Variants in SLC6A6 observed in about 807,000 individuals in gnomAD.
SLC6A6 encodes the protein solute carrier family 6 member 6.
Under a neutral mutation model 68.8 loss-of-function variants are expected in SLC6A6, and 16 were observed. That is an observed-to-expected ratio of 0.23 (90% CI 0.16 to 0.35). SLC6A6 has a LOEUF of 0.35. Among genes scored for constraint, SLC6A6 ranks in the 10% least tolerant of loss-of-function variants. SLC6A6 has a pLI of 1.00. For missense variants in SLC6A6, 474 were observed against 802.8 expected, an observed-to-expected ratio of 0.59 and a Z score of 4.95; for synonymous variants, 312 against 315.4, an observed-to-expected ratio of 0.99 and a Z score of 0.12.
intron 2 of SLC6A6, among the ~76,000 whole-genome samples, chr3:14,427,868 C>G (rs1350951149): frequency 5.9e-5 from 9 of 152,186 alleles, no homozygotes; most frequent in Non-Finnish European, 1.3e-4. Flanking sequence ...TTCCCAGCCC[C>G]TGTAACTTCC....
intron 1 of SLC6A6, among the ~76,000 whole-genome samples, chr3:14,409,479 C>T (rs989388621): frequency 1.3e-5 from 2 of 152,258 alleles, no homozygotes; most frequent in Non-Finnish European, 2.9e-5. Flanking sequence ...AGCCCACACT[C>T]AGCTAGGAAA....
intron 1 of SLC6A6, among the ~76,000 whole-genome samples, chr3:14,409,978 G>A (rs1356042734): frequency 6.6e-6 from 1 of 152,128 alleles, no homozygotes; most frequent in Non-Finnish European, 1.5e-5. Context: ...ACGAGGTCAG[G>A]AGTTCGAGAC....
At chr3:14,461,651 G>T (rs182847889) in intron 6 of SLC6A6, among the ~76,000 whole-genome samples, 10 of 152,328 alleles carry the variant, frequency 6.6e-5, no homozygotes. Context: ...AACAAAGCAG[G>T]GGGTAGTCAG....
intron 1 of SLC6A6, among the ~76,000 whole-genome samples, chr3:14,409,594 C>T (rs1331627400): frequency 6.6e-6 from 1 of 152,246 alleles, no homozygotes; most frequent in Non-Finnish European, 1.5e-5. Flanking sequence ...GTGCCAGGCA[C>T]AGGGCCAGGG....
At chr3:14,403,059 T>C (rs1201992003) in intron 1 of SLC6A6, among the ~76,000 whole-genome samples, 1 of 150,702 alleles carries the variant, frequency 6.6e-6, no homozygotes, top group African/African-American at 2.5e-5. Context: ...CTCCGGCTCT[T>C]GGTGCGGGCG....
chr3:14,440,006 C>A (rs563026172), intron 2 of SLC6A6, among the ~76,000 whole-genome samples: 1 of 152,140 alleles, frequency 6.6e-6, no homozygotes, highest in South Asian at 2.1e-4. Flanking sequence ...GCTTTATATA[C>A]CCCAAGGCCA....
At chr3:14,405,445 A>T (rs1699085697) in intron 1 of SLC6A6, among the ~76,000 whole-genome samples, 1 of 152,248 alleles carries the variant, frequency 6.6e-6, no homozygotes, top group African/African-American at 2.4e-5. Flanking sequence ...GTCATTGAAC[A>T]CATTCCCGTA....
At chr3:14,430,802 C>T (rs1292638021) in intron 2 of SLC6A6, among the ~76,000 whole-genome samples, 1 of 152,254 alleles carries the variant, frequency 6.6e-6, no homozygotes, top group African/African-American at 2.4e-5. Context: ...TTTCAGGCCT[C>T]AGTTTCCCCT....
intron 14 of SLC6A6, among the ~76,000 whole-genome samples, chr3:14,482,746 C>G (rs954459904): frequency 5.3e-5 from 8 of 151,976 alleles, no homozygotes; most frequent in Admixed American, 1.3e-4. Flanking sequence ...ACTGGGGGGG[C>G]CCCTGGGGTT....
chr3:14,421,492 G>A (rs1699484504), intron 2 of SLC6A6, among the ~76,000 whole-genome samples: 1 of 152,182 alleles, frequency 6.6e-6, no homozygotes, highest in Non-Finnish European at 1.5e-5. Context: ...GAAGAAAAAT[G>A]GTGAAAGTTA....
rs1701012126 is a variant in SLC6A6 at position 14,481,718 on chromosome 3, C to T, written c.1599C>T (p.Asn533=). The T allele has an allele frequency of 5.6e-6, 9 of 1,613,780 alleles. No individual in the cohort carries two copies. The highest frequency in any genetic ancestry group is 5.0e-5 in the Admixed American group (3 of 59,978). Residue 533 remains asparagine (N), a synonymous_variant, in exon 14 of 15, where the codon AAC becomes AAT. Coordinates refer to ENST00000622186, the MANE Select transcript of SLC6A6 (RefSeq NM_003043.6). This position sits in a 1 kb window ranked among gnomAD's most constrained non-coding sequence, Gnocchi z 4.7. ...SLVKYVPLTY[N]KTYVYPNWAI... ...TCAAGTACGTACCCCTGACCTACAA[C>T]AAAACATACGTGTACCCCAACTGGG...
At chr3:14,409,820 C>T (rs1482569500) in intron 1 of SLC6A6, among the ~76,000 whole-genome samples, 1 of 151,388 alleles carries the variant, frequency 6.6e-6, no homozygotes, top group Non-Finnish European at 1.5e-5. Flanking sequence ...CCTTCTCTGC[C>T]CACCCACTTT....
intron 9 of SLC6A6, among the ~76,000 whole-genome samples, chr3:14,469,516 A>G (rs999483319): frequency 6.6e-6 from 1 of 152,180 alleles, no homozygotes; most frequent in Admixed American, 6.5e-5. Context: ...TTCCCTTCTC[A>G]GATGAGGAGA....
rs1700703510 is a variant in SLC6A6 at position 14,469,496 on chromosome 3, T to C, written c.1096+1284T>C. ...GGTCAGAAGGTGCCTCAGCATCGCGTGTCCAGATGTTCCCTTCTCAGATGA... is the reference window on the plus strand; with the variant it reads ...GGTCAGAAGGTGCCTCAGCATCGCGCGTCCAGATGTTCCCTTCTCAGATGA... On this transcript the variant is annotated intron_variant, in intron 9 of 14. Transcript: ENST00000622186. Among the ~76,000 whole-genome samples, 5 of 152,308 alleles carry C rather than the reference T, an allele frequency of 3.3e-5. No homozygotes were observed. The South Asian group carries it at 1.0e-3, about 32-fold the overall frequency.
intron 2 of SLC6A6, among the ~76,000 whole-genome samples, chr3:14,435,185 T>A (rs1411601594): frequency 6.6e-6 from 1 of 152,192 alleles, no homozygotes; most frequent in African/African-American, 2.4e-5. Context: ...GTGCAAATCC[T>A]GGCCCACTGT....
In SLC6A6 at chr3:14,414,562, G is replaced by A. The variant is rs555476967; in HGVS notation, c.-53-1850G>A. Among the ~76,000 whole-genome samples the A allele has an allele frequency of 4.6e-5, 7 of 151,610 alleles. No homozygotes were observed. In the East Asian group the frequency reaches 1.4e-3, roughly 29 times the overall value. On this transcript the variant is annotated intron_variant, in intron 1 of 14. Coordinates refer to ENST00000622186, the MANE Select transcript of SLC6A6 (RefSeq NM_003043.6). ...TTTTTAAGAGACAGGGTCTCACTCT[G>A]TCACCCTGGCTGGACTGCAGTGGTA... is the stretch of plus-strand genomic sequence containing the variant.
intron 12 of SLC6A6, 36 bp from the exon 13 acceptor site, chr3:14,479,049 G>A (rs765633387): frequency 1.2e-5 from 17 of 1,405,704 alleles, no homozygotes; most frequent in South Asian, 3.4e-5. Context: ...GGCCTTGAAC[G>A]CTGTGTCAGA....
intron 1 of SLC6A6, among the ~76,000 whole-genome samples, chr3:14,413,927 A>G (rs1432060748): frequency 6.6e-6 from 1 of 152,206 alleles, no homozygotes. Context: ...AACAGACTTC[A>G]GTTTTATTTT....
intron 3 of SLC6A6, among the ~76,000 whole-genome samples, chr3:14,444,520 G>A (rs73132945): frequency 2.0e-5 from 3 of 152,146 alleles, no homozygotes; most frequent in Non-Finnish European, 2.9e-5. Flanking sequence ...CTGTTACGGG[G>A]TTGTGTTGAG....
Sources: gnomAD v4.1 joint callset for allele counts (sites outside exome capture counted in the v4.1 genomes callset) on GRCh38, gnomAD v4.1.1 for gene constraint, Gnocchi (gnomAD v3.1) non-coding constraint, MANE v1.5 for transcripts, NCBI Gene and HGNC (gene_info 2026-07-23, HGNC 2026-07-21) for gene names.